Variants in SLC16A7 observed in about 807,000 individuals in gnomAD.
The protein encoded by SLC16A7 is monocarboxylate transporter 2.
SLC16A7 carries 33 observed loss-of-function variants against 34.9 expected under a neutral mutation model. The ratio of observed to expected loss-of-function variants is 0.94; its 90% CI spans 0.72 to 1.26. SLC16A7 has a LOEUF of 1.26. Ranked by LOEUF, SLC16A7 falls within the 50% of genes most tolerant of loss-of-function variation. SLC16A7 has a pLI of 0.00. For synonymous variants in SLC16A7, 201 were observed against 206.6 expected (o/e 0.97, Z 0.23); for missense variants, 573 against 578.1 (o/e 0.99, Z 0.09).
At chr12:59,690,276 G>A (rs1021690748) in intron 2 of SLC16A7, among the ~76,000 whole-genome samples, 1 of 151,982 alleles carries the variant, frequency 6.6e-6, no homozygotes, top group Non-Finnish European at 1.5e-5. Flanking sequence ...CTCCTTTTCA[G>A]GAGGGGAGCA....
chr12:59,656,643 A>C (rs1351296323), intron 2 of SLC16A7, among the ~76,000 whole-genome samples: 1 of 152,018 alleles, frequency 6.6e-6, no homozygotes, highest in Non-Finnish European at 1.5e-5. Flanking sequence ...GTTGTTTGTT[A>C]CAGCAGCAAC....
At chr12:59,753,562 T>C (rs1879880959) in intron 3 of SLC16A7, among the ~76,000 whole-genome samples, 1 of 152,010 alleles carries the variant, frequency 6.6e-6, no homozygotes, top group Non-Finnish European at 1.5e-5. Context: ...CTAACTATCC[T>C]AAATATATAT....
chr12:59,707,392 A>G (rs1264280958), intron 3 of SLC16A7, among the ~76,000 whole-genome samples: 1 of 152,098 alleles, frequency 6.6e-6, no homozygotes, highest in South Asian at 2.1e-4. Flanking sequence ...TAAAAGGAAC[A>G]TTAGAATGAA....
At chr12:59,767,949 G>A (rs1260791648) in intron 3 of SLC16A7, among the ~76,000 whole-genome samples, 1 of 134,750 alleles carries the variant, frequency 7.4e-6, no homozygotes, top group Admixed American at 7.6e-5. Flanking sequence ...GTCGTGGGGT[G>A]GGGGGAAGGG....
At chr12:59,671,636 G>A (rs1869694145) in intron 2 of SLC16A7, among the ~76,000 whole-genome samples, 1 of 150,528 alleles carries the variant, frequency 6.6e-6, no homozygotes, top group African/African-American at 2.4e-5. Context: ...TTCTGCCTGT[G>A]TCCCTTTGAC....
At chr12:59,637,588 G>A (rs1880489625) in intron 1 of SLC16A7, among the ~76,000 whole-genome samples, 1 of 151,864 alleles carries the variant, frequency 6.6e-6, no homozygotes, top group Admixed American at 6.6e-5. Context: ...ACAGGTTAAT[G>A]AAAAAAGCAT....
chr12:59,617,210 G>T (rs1879492730), intron 1 of SLC16A7, among the ~76,000 whole-genome samples: 1 of 151,904 alleles, frequency 6.6e-6, no homozygotes, highest in Admixed American at 6.6e-5. Context: ...GAGTACATTT[G>T]TAAAAATTAT....
At chr12:59,694,398 A>G (rs1372301639) in intron 2 of SLC16A7, among the ~76,000 whole-genome samples, 1 of 151,992 alleles carries the variant, frequency 6.6e-6, no homozygotes, top group Non-Finnish European at 1.5e-5. Context: ...AAAGCTGTCT[A>G]TAATGTATAC....
chr12:59,701,004 G>A (rs866913744), intron 2 of SLC16A7, among the ~76,000 whole-genome samples: 1 of 151,650 alleles, frequency 6.6e-6, no homozygotes, highest in Non-Finnish European at 1.5e-5. Context: ...GTCATGCAAA[G>A]TTCACTTTAA....
At chr12:59,697,648 G>A (rs1483787891) in intron 2 of SLC16A7, among the ~76,000 whole-genome samples, 3 of 150,796 alleles carry the variant, frequency 2.0e-5, no homozygotes, top group African/African-American at 7.3e-5. Context: ...CTCGTCTCAG[G>A]CACTTATACT....
intron 3 of SLC16A7, among the ~76,000 whole-genome samples, chr12:59,714,658 A>T (rs1395118617): frequency 6.6e-6 from 1 of 151,406 alleles, no homozygotes; most frequent in Non-Finnish European, 1.5e-5. Context: ...TCCGCCTCCC[A>T]GGTCCAAGTG....
intron 2 of SLC16A7, among the ~76,000 whole-genome samples, chr12:59,670,375 G>A (rs919032680): frequency 6.6e-6 from 1 of 151,978 alleles, no homozygotes; most frequent in Admixed American, 6.6e-5. Context: ...TCTTTTTTGA[G>A]GGACACAATT....
chr12:59,752,099 C>A (rs1402243304), intron 3 of SLC16A7, among the ~76,000 whole-genome samples: 1 of 151,966 alleles, frequency 6.6e-6, no homozygotes, highest in African/African-American at 2.4e-5. Context: ...CACCAAAAAC[C>A]CATCTGTACA....
intron 3 of SLC16A7, among the ~76,000 whole-genome samples, chr12:59,746,838 T>TG (rs1206360018): frequency 6.6e-6 from 1 of 152,196 alleles, no homozygotes; most frequent in African/African-American, 2.4e-5. Flanking sequence ...TTTGTATGTA[T>TG]GTGTTTTTGC....
At chr12:59,664,382 C>T (rs1251157166) in intron 2 of SLC16A7, among the ~76,000 whole-genome samples, 6 of 152,086 alleles carry the variant, frequency 3.9e-5, no homozygotes, top group African/African-American at 1.4e-4. Flanking sequence ...CATGCATTTA[C>T]AGAGTGGCTG....
intron 2 of SLC16A7, among the ~76,000 whole-genome samples, chr12:59,674,605 C>T (rs901782531): frequency 1.3e-5 from 2 of 152,144 alleles, no homozygotes; most frequent in African/African-American, 4.8e-5. Context: ...GGTAGTAGGT[C>T]TGTTTAGGTT....
intron 3 of SLC16A7, chr12:59,734,279 G>C (rs1877317465): frequency 6.1e-6 from 1 of 162,718 alleles, no homozygotes; most frequent in Non-Finnish European, 1.3e-5. Flanking sequence ...AGTTTCAGAG[G>C]GGTTCCAGGC....
chr12:59,690,531 G>C (rs544096246), intron 2 of SLC16A7, among the ~76,000 whole-genome samples: 36 of 152,108 alleles, frequency 2.4e-4, no homozygotes, highest in African/African-American at 8.7e-4. Flanking sequence ...AAAGAAAGAA[G>C]AGTGTAGGAA....
chr12:59,692,682 A>T (rs551099703), intron 2 of SLC16A7, among the ~76,000 whole-genome samples: 7 of 151,992 alleles, frequency 4.6e-5, no homozygotes, highest in African/African-American at 1.7e-4. Flanking sequence ...AGTTAGTTTG[A>T]CCCTTATTGC....
Sources: gnomAD v4.1 joint callset for allele counts (sites outside exome capture counted in the v4.1 genomes callset) on GRCh38, gnomAD v4.1.1 for gene constraint, MANE v1.5 for transcripts, NCBI Gene and HGNC (gene_info 2026-07-23, HGNC 2026-07-21) for gene names.